NTNG1: variants seen among roughly 807,000 people sequenced by gnomAD.
NTNG1 encodes the protein netrin G1.
In NTNG1, 16 loss-of-function variants were observed where a neutral mutation model predicts 54.0. The observed-to-expected ratio is 0.30, with a 90% confidence interval of 0.20 to 0.45. The LOEUF is 0.45. Among genes scored for constraint, NTNG1 ranks in the 20% least tolerant of loss-of-function variants. The pLI is 1.00. For missense variants in NTNG1, 530 were observed against 678.7 expected, an observed-to-expected ratio of 0.78 and a Z score of 2.43; for synonymous variants, 255 against 263.1, an observed-to-expected ratio of 0.97 and a Z score of 0.30.
chr1:107,352,854 G>C (rs573214730), intron 3 of NTNG1, among the ~76,000 whole-genome samples: 1 of 152,212 alleles, frequency 6.6e-6, no homozygotes, highest in Non-Finnish European at 1.5e-5. Flanking sequence ...CTTATGGTTT[G>C]CACCCTCTGG....
At chr1:107,446,037 T>G (rs1432284159) in intron 7 of NTNG1, among the ~76,000 whole-genome samples, 1 of 152,018 alleles carries the variant, frequency 6.6e-6, no homozygotes, top group Non-Finnish European at 1.5e-5. Flanking sequence ...CAATTCAAGA[T>G]GAAGAAACAG....
At chr1:107,191,860 A>C (rs1208020040) in intron 2 of NTNG1, among the ~76,000 whole-genome samples, 2 of 151,834 alleles carry the variant, frequency 1.3e-5, no homozygotes, top group Admixed American at 6.6e-5. Context: ...GTCAGGTAGC[A>C]TGATGCCTCC....
chr1:107,156,897 T>G (rs1655044141), intron 2 of NTNG1, among the ~76,000 whole-genome samples: 1 of 152,210 alleles, frequency 6.6e-6, no homozygotes, highest in African/African-American at 2.4e-5. Context: ...GCCATCTCTT[T>G]GGAAGCAATA....
intron 2 of NTNG1, among the ~76,000 whole-genome samples, chr1:107,231,309 A>G (rs1661050425): frequency 6.6e-6 from 1 of 152,178 alleles, no homozygotes; most frequent in Non-Finnish European, 1.5e-5. Context: ...GCTTCTCAGT[A>G]CTGGATGTAG....
chr1:107,235,206 G>C (rs185080103), intron 2 of NTNG1, among the ~76,000 whole-genome samples: 1 of 152,064 alleles, frequency 6.6e-6, no homozygotes, highest in African/African-American at 2.4e-5. Context: ...GTTCTGACAC[G>C]GAAAGAGCTT....
At chr1:107,383,586 A>G (rs994366204) in intron 3 of NTNG1, among the ~76,000 whole-genome samples, 4 of 152,240 alleles carry the variant, frequency 2.6e-5, no homozygotes, top group Admixed American at 2.0e-4. Flanking sequence ...TATAAGCTCT[A>G]GGACTATTTT....
intron 7 of NTNG1, among the ~76,000 whole-genome samples, chr1:107,475,793 A>G (rs1348127071): frequency 7.2e-5 from 11 of 152,174 alleles, no homozygotes; most frequent in Non-Finnish European, 1.6e-4. Flanking sequence ...TGTTCTGTAT[A>G]CTGCAGGATG....
chr1:107,449,550 G>A (rs1444291154), intron 7 of NTNG1, among the ~76,000 whole-genome samples: 1 of 151,960 alleles, frequency 6.6e-6, no homozygotes, highest in Admixed American at 6.6e-5. Flanking sequence ...CTAATGCCAA[G>A]AGCACTGCGG....
intron 2 of NTNG1, among the ~76,000 whole-genome samples, chr1:107,307,323 C>A (rs935666037): frequency 6.6e-6 from 1 of 152,148 alleles, no homozygotes; most frequent in Non-Finnish European, 1.5e-5. Flanking sequence ...CTGGACCCTA[C>A]AAAGGAGGCT....
chr1:107,386,167 T>TATATATA (rs1557954792), intron 3 of NTNG1, among the ~76,000 whole-genome samples: 2 of 59,758 alleles, frequency 3.3e-5, no homozygotes. Flanking sequence ...ATATATATAT[T>TATATATA]TTTTTTTTTT....
chr1:107,462,041 A>T (rs568498325), intron 7 of NTNG1, among the ~76,000 whole-genome samples: 1 of 152,226 alleles, frequency 6.6e-6, no homozygotes, highest in Non-Finnish European at 1.5e-5. Flanking sequence ...AGCAACGCAG[A>T]TAATGAAAAT....
chr1:107,444,321 C>T (rs1676174958), intron 7 of NTNG1, among the ~76,000 whole-genome samples: 1 of 152,144 alleles, frequency 6.6e-6, no homozygotes, highest in African/African-American at 2.4e-5. Flanking sequence ...AGGACTTTAA[C>T]TCTTCACACA....
At chr1:107,425,894 G>A (rs926069117) in intron 5 of NTNG1, among the ~76,000 whole-genome samples, 3 of 151,948 alleles carry the variant, frequency 2.0e-5, no homozygotes, top group Admixed American at 6.6e-5. Context: ...AAGATGGCAC[G>A]TTAGTGTGAT....
intron 2 of NTNG1, among the ~76,000 whole-genome samples, chr1:107,196,925 T>G (rs1005334928): frequency 6.6e-6 from 1 of 151,862 alleles, no homozygotes; most frequent in Non-Finnish European, 1.5e-5. Flanking sequence ...TATGAAAACC[T>G]TGTCATTCTC....
chr1:107,395,063 T>C, intron 3 of NTNG1, 91 bp from the exon 4 acceptor site: 2 of 968,910 alleles, frequency 2.1e-6, no homozygotes, highest in South Asian at 3.0e-5. Flanking sequence ...ACTAAAGCAC[T>C]GCATGGTTTG....
At chr1:107,153,532 T>G (rs565236860) in intron 2 of NTNG1, among the ~76,000 whole-genome samples, 1 of 152,358 alleles carries the variant, frequency 6.6e-6, no homozygotes, top group African/African-American at 2.4e-5. Context: ...GTTCTTTCAT[T>G]ATTAACACTT....
In NTNG1 at chr1:107,293,932, A is replaced by AT. The variant is rs578202830; in HGVS notation, c.247-30344dup. Among the ~76,000 whole-genome samples the AT allele has an allele frequency of 2.6e-3, 396 of 152,052 alleles. 2 individuals carry two copies. The highest frequency in any genetic ancestry group is 9.0e-3 in the African/African-American group (372 of 41,498). ...TTTTCCAGATTTCTTTACTTTCATG[A>AT]TTTTTTAAGTATATTGGTTTTGTTT... On this transcript the variant is annotated intron_variant, in intron 2 of 7. Transcript: ENST00000370068.
chr1:107,440,630 C>T (rs956905662), intron 7 of NTNG1, among the ~76,000 whole-genome samples: 3 of 152,106 alleles, frequency 2.0e-5, no homozygotes, highest in East Asian at 1.9e-4. Flanking sequence ...CAAAAGCTTT[C>T]GTGCAATGTT....
chr1:107,395,259 G>T lies in NTNG1; in HGVS notation c.993G>T (p.Lys331Asn). The T allele has an allele frequency of 1.2e-6, 2 of 1,613,620 alleles. No homozygotes were observed. Among genetic ancestry groups the T allele is most frequent in the Non-Finnish European group, 1.7e-6 (2 of 1,179,686 alleles). ...GTCCAGACTGTGGGAAATGCAAGAA[G>T]AATTATCAGGGCCGACCTTGGAGTC... ...TTGPDCGKCK[K>N]NYQGRPWSPG... Residue 331 changes from lysine (K) to asparagine (N), a missense_variant, in exon 4 of 8, where the codon AAG becomes AAT. This residue lies in a region of NTNG1 where 318 missense variants were observed against 465.1 expected (regional missense o/e 0.68). Coordinates refer to ENST00000370068, the MANE Select transcript of NTNG1 (RefSeq NM_001113226.3).
Sources: gnomAD v4.1 joint callset for allele counts (sites outside exome capture counted in the v4.1 genomes callset) on GRCh38, gnomAD v4.1.1 for gene constraint, gnomAD v4.1.1 regional missense constraint, MANE v1.5 for transcripts, NCBI Gene and HGNC (gene_info 2026-07-23, HGNC 2026-07-21) for gene names.